The following HNRNPA2B1 variants were observed in gnomAD, a reference collection of about 807,000 sequenced individuals.
The protein encoded by HNRNPA2B1 is heterogeneous nuclear ribonucleoproteins A2/B1.
In HNRNPA2B1, 3 loss-of-function variants were observed where a neutral mutation model predicts 46.3. The observed-to-expected ratio is 0.06, with a 90% CI of 0.03 to 0.17. The LOEUF (loss-of-function observed/expected upper bound fraction) is 0.17. Among genes scored for constraint, HNRNPA2B1 ranks in the 10% least tolerant of loss-of-function variants. The probability of loss-of-function intolerance (pLI) is 1.00; values close to 1 mark genes in which losing one functional copy is unlikely to be tolerated. For synonymous variants in HNRNPA2B1, 225 were observed against 133.8 expected, an observed-to-expected ratio of 1.68 and a Z score of -4.70; for missense variants, 221 against 418.9, an observed-to-expected ratio of 0.53 and a Z score of 4.12.
In HNRNPA2B1 at chr7:26,193,647, ATCCTCCTCT is replaced by A; in HGVS notation, c.760_768del (p.Arg254_Gly256del). The A allele has an allele frequency of 6.2e-7, 1 of 1,611,992 alleles. No homozygotes were observed. The highest frequency in any genetic ancestry group is 8.5e-7 in the Non-Finnish European group (1 of 1,179,026). On this transcript the variant is annotated inframe_deletion, in exon 8 of 11. Transcript: ENST00000618183. ...CCATATCCAGGTCCTCCACCACCAT[ATCCTCCTCT>A]TCCTCCTCCATAACCGGGGCTACCT...
In HNRNPA2B1 at chr7:26,196,791, G is replaced by C. The variant is rs1277932303; in HGVS notation, c.475+16C>G. 2.5e-6 allele frequency: 4 copies of C among 1,604,750 alleles called. No individual in the cohort carries two copies. The highest frequency in any genetic ancestry group is 2.7e-5 in the African/African-American group (2 of 74,620). On this transcript the variant is annotated intron_variant, in intron 4 of 10. Coordinates refer to ENST00000618183, the MANE Select transcript of HNRNPA2B1 (RefSeq NM_002137.4). ...TACACTGGAAAAAAACAGTACATTT[G>C]TGGTTAGACACTTACATACGATTTT...
chr7:26,196,756 C>G, intron 4 of HNRNPA2B1, 51 bp downstream of exon 4: 2 of 1,576,686 alleles, frequency 1.3e-6, no homozygotes, highest in East Asian at 2.2e-5. Flanking sequence ...TTAACATACA[C>G]AAAATTGAAT....
In HNRNPA2B1 at chr7:26,197,010, C is replaced by T; in HGVS notation, c.272G>A (p.Gly91Glu). 1 of 1,611,278 alleles carries T rather than the reference C, an allele frequency of 6.2e-7. No homozygotes were observed. The highest frequency in any genetic ancestry group is 8.5e-7 in the Non-Finnish European group (1 of 1,179,144). Residue 91 changes from glycine to glutamate, a missense_variant, in exon 4 of 11, where the codon GGA (glycine) becomes GAA (glutamate). Gly to Glu is a moderately conservative substitution (Grantham distance 98). Transcript: ENST00000618183. The stretch of plus-strand genomic sequence containing the variant: ...CACAGTTACATGAGCCCCTGGTTTT[C>T]CAGATTCCTAAAATAGTGGTGGGGT... ...PKRAVAREES[G>E]KPGAHVTVKK...
chr7:26,195,476 C>T (rs1039565069), intron 7 of HNRNPA2B1, among the ~76,000 whole-genome samples: 2 of 151,868 alleles, frequency 1.3e-5, no homozygotes, highest in Admixed American at 6.6e-5. Context: ...CATCTAGTTA[C>T]GGGTTTAGAC....
At chr7:26,194,755 A>T (rs1298364906) in intron 7 of HNRNPA2B1, among the ~76,000 whole-genome samples, 1 of 151,842 alleles carries the variant, frequency 6.6e-6, no homozygotes, top group Non-Finnish European at 1.5e-5. Flanking sequence ...AGAAGTGCGG[A>T]CATAAACAAA....
At chr7:26,200,455 A>C in intron 1 of HNRNPA2B1, 117 bp downstream of exon 1, 1 of 1,006,906 alleles carries the variant, frequency 9.9e-7, no homozygotes, top group Non-Finnish European at 1.6e-6. Context: ...CCCCACTGCT[A>C]CTGAATTGGT....
At position 26,199,662 on chromosome 7, in the gene HNRNPA2B1, C is replaced by A. The variant is rs890741902; in HGVS notation, c.6+910G>T. The A allele has an allele frequency of 2.6e-5, 4 of 152,182 alleles. No homozygotes were observed. In the South Asian group the frequency reaches 8.3e-4, roughly 32 times the overall value. 9.4% of individuals were successfully genotyped at this position (152,182 alleles called of 1,614,324 possible). Reference sequence around the variant, plus strand: ...CCAGAAAACCACCTTCGTCCCTGCCCCTCGTGGCCGATGGCTTCCAATTTA... The same window carrying A: ...CCAGAAAACCACCTTCGTCCCTGCCACTCGTGGCCGATGGCTTCCAATTTA... On this transcript the variant is annotated intron_variant, in intron 1 of 10. Transcript: ENST00000618183.
chr7:26,194,371 G>C (rs183220315), intron 7 of HNRNPA2B1, among the ~76,000 whole-genome samples: 2 of 152,090 alleles, frequency 1.3e-5, no homozygotes, highest in African/African-American at 2.4e-5. Flanking sequence ...ACTCCAGCCT[G>C]GGCGACAGAG....
chr7:26,196,384 T>A lies in HNRNPA2B1; in HGVS notation c.658+17A>T. The A allele has an allele frequency of 6.3e-7, 1 of 1,596,162 alleles. No individual in the cohort carries two copies. Among genetic ancestry groups the A allele is most frequent in the Non-Finnish European group, 8.6e-7 (1 of 1,165,488 alleles). The stretch of plus-strand genomic sequence containing the variant: ...AAAGCACACTCATCCTTTAAACACG[T>A]AGAACTTGAAACTCACCAGATCCTC... On this transcript the variant is annotated intron_variant, in intron 6 of 10. Coordinates refer to ENST00000618183, the MANE Select transcript of HNRNPA2B1 (RefSeq NM_002137.4).
chr7:26,191,296 A>G lies in HNRNPA2B1; in HGVS notation c.*1064T>C, dbSNP rs1310816856. ...AAAAATTATTCTCTTGAGTTTATAA[A>G]TTGTTAAACTCAATTTATAGCTATG... On this transcript the variant is annotated 3_prime_UTR_variant, in exon 11 of 11. Coordinates refer to ENST00000618183, the MANE Select transcript of HNRNPA2B1 (RefSeq NM_002137.4). 4 of 152,206 alleles carry G rather than the reference A, an allele frequency of 2.6e-5. No homozygotes were observed. The highest frequency in any genetic ancestry group is 7.2e-5 in the African/African-American group (3 of 41,462). The allele number at this position is 152,206 out of a possible 1,614,324, so 9.4% of individuals were successfully genotyped here.
Position 26,190,187 on chromosome 7 carries a change from A to G in HNRNPA2B1, c.*2173T>C, listed in dbSNP as rs1022329240. On this transcript the variant is annotated 3_prime_UTR_variant, in exon 11 of 11. Coordinates refer to ENST00000618183, the MANE Select transcript of HNRNPA2B1 (RefSeq NM_002137.4). The stretch of plus-strand genomic sequence containing the variant: ...TTTAAAATAGAATTGTAATCTGTCT[A>G]CTCACAAAACCTAATTTAAAACATG... The G allele has an allele frequency of 1.3e-5, 2 of 152,662 alleles. No homozygotes were observed. The highest frequency in any genetic ancestry group is 2.9e-5 in the Non-Finnish European group (2 of 68,026). The allele number at this position is 152,662 out of a possible 1,614,324, so 9.5% of individuals were successfully genotyped here. A position where few individuals can be genotyped will look rare whatever the true frequency, so the allele number is the denominator to read the frequency against.
At position 26,190,005 on chromosome 7, in the gene HNRNPA2B1, T is replaced by A. The variant is rs1315372867; in HGVS notation, c.*2355A>T. 1 of 152,356 alleles carries A rather than the reference T, an allele frequency of 6.6e-6. No individual in the cohort carries two copies. 9.4% of individuals were successfully genotyped at this position (152,356 alleles called of 1,614,324 possible). On this transcript the variant is annotated 3_prime_UTR_variant, in exon 11 of 11. Transcript: ENST00000618183. ...GCTCTTCTCATTTACCTGTTAATATTAAAATATGCATAGCTTTGTGAAACT... is the reference window on the plus strand; with the variant it reads ...GCTCTTCTCATTTACCTGTTAATATAAAAATATGCATAGCTTTGTGAAACT...
chr7:26,198,026 A>C, intron 1 of HNRNPA2B1: 1 of 438,568 alleles, frequency 2.3e-6, no homozygotes, highest in Non-Finnish European at 4.0e-6. Context: ...TAAATTATTA[A>C]TTAAAAAAAA....
At chr7:26,194,969 C>A (rs531994981) in intron 7 of HNRNPA2B1, among the ~76,000 whole-genome samples, 2 of 151,054 alleles carry the variant, frequency 1.3e-5, no homozygotes, top group Non-Finnish European at 2.9e-5. Context: ...TGGTGCACGC[C>A]GGTAATCCCA....
intron 7 of HNRNPA2B1, among the ~76,000 whole-genome samples, chr7:26,195,121 T>TA (rs779105929): frequency 0.24 from 28,734 of 118,598 alleles, 4,745 homozygotes; most frequent in East Asian, 0.52. Flanking sequence ...GAAACCATAT[T>TA]AAAAAAAAAA....
In HNRNPA2B1 at chr7:26,196,000, A is replaced by G. The variant is rs1000436059; in HGVS notation, c.659-91T>C. 9 of 1,477,496 alleles carry G rather than the reference A, an allele frequency of 6.1e-6. No homozygotes were observed. In the East Asian group the frequency reaches 2.2e-4, roughly 36 times the overall value. The allele number at this position is 1,477,496 out of a possible 1,614,324, so 91.5% of individuals were successfully genotyped here. A position where few individuals can be genotyped will look rare whatever the true frequency, so the allele number is the denominator to read the frequency against. ...TTCAGTTCTCTTACTACCTCAGCACAATAATTAAGAACCGCAGAAAAGGAC... is the reference window on the plus strand; with the variant it reads ...TTCAGTTCTCTTACTACCTCAGCACGATAATTAAGAACCGCAGAAAAGGAC... On this transcript the variant is annotated intron_variant, in intron 6 of 10. Transcript: ENST00000618183.
chr7:26,198,431 A>G (rs1270813869), intron 1 of HNRNPA2B1: 5 of 152,506 alleles, frequency 3.3e-5, no homozygotes, highest in African/African-American at 4.8e-5. Flanking sequence ...CGAAGCTTAA[A>G]AAGTTTAATT....
At chr7:26,195,803 A>G in intron 7 of HNRNPA2B1, 44 bp downstream of exon 7, 1 of 1,593,234 alleles carries the variant, frequency 6.3e-7, no homozygotes, top group Non-Finnish European at 8.5e-7. Flanking sequence ...GATATAGTTA[A>G]GTATTAGTCA....
At chr7:26,199,504 T>C (rs1470284431) in intron 1 of HNRNPA2B1, 1 of 152,234 alleles carries the variant, frequency 6.6e-6, no homozygotes, top group Admixed American at 6.5e-5. Flanking sequence ...TAATCATCTA[T>C]AAAGGTCCAT....
Sources: gnomAD v4.1 joint callset for allele counts (sites outside exome capture counted in the v4.1 genomes callset) on GRCh38, gnomAD v4.1.1 for gene constraint, MANE v1.5 for transcripts, NCBI Gene and HGNC (gene_info 2026-07-23, HGNC 2026-07-21) for gene names.